Variants in NAV2 observed in about 807,000 individuals in gnomAD.
NAV2 encodes the protein helicase, APC down-regulated 1.
In NAV2, 54 loss-of-function variants were observed where a neutral mutation model predicts 223.2. The observed-to-expected ratio is 0.24, with a 90% CI of 0.19 to 0.30. The LOEUF is 0.30. Ranked by LOEUF, NAV2 falls within the 10% of genes least tolerant of loss-of-function variation. The probability of loss-of-function intolerance (pLI) is 1.00; values close to 1 mark genes in which losing one functional copy is unlikely to be tolerated. For missense variants in NAV2, 2,806 were observed against 3,147.5 expected (o/e 0.89, Z 2.60); for synonymous variants, 1,279 against 1,239.3 (o/e 1.03, Z -0.67).
At chr11:20,099,747 A>T (rs2061501496) in intron 31 of NAV2, among the ~76,000 whole-genome samples, 1 of 152,158 alleles carries the variant, frequency 6.6e-6, no homozygotes, top group South Asian at 2.1e-4. Flanking sequence ...CTTGTGCAAA[A>T]TAGTCACTTC....
intron 3 of NAV2, among the ~76,000 whole-genome samples, chr11:19,860,230 C>T (rs1258887349): frequency 2.0e-5 from 3 of 147,176 alleles, no homozygotes; most frequent in Non-Finnish European, 3.0e-5. Context: ...CCTCACTTCC[C>T]AGACGGGGTG....
intron 1 of NAV2, among the ~76,000 whole-genome samples, chr11:19,603,911 A>C (rs2046413722): frequency 6.6e-6 from 1 of 152,136 alleles, no homozygotes; most frequent in Admixed American, 6.5e-5. Flanking sequence ...GGAGGGAGCT[A>C]TAAGGGTTCT....
At chr11:19,626,951 C>T (rs1053677699) in intron 1 of NAV2, among the ~76,000 whole-genome samples, 5 of 152,022 alleles carry the variant, frequency 3.3e-5, no homozygotes, top group African/African-American at 9.7e-5. Flanking sequence ...TAGCTGAGAC[C>T]GTAATTAGAA....
At chr11:19,558,906 T>G (rs1250201461) in intron 1 of NAV2, among the ~76,000 whole-genome samples, 2 of 152,174 alleles carry the variant, frequency 1.3e-5, no homozygotes, top group East Asian at 3.9e-4. Flanking sequence ...TGCTGTCAAG[T>G]GTGTTTGCCC....
intron 1 of NAV2, among the ~76,000 whole-genome samples, chr11:19,588,463 G>A (rs1224431085): frequency 6.6e-6 from 1 of 152,106 alleles, no homozygotes; most frequent in African/African-American, 2.4e-5. Context: ...GAATTCTGAC[G>A]GCAAGCATGC....
At chr11:19,412,629 G>C (rs1040388491) in intron 1 of NAV2, among the ~76,000 whole-genome samples, 1 of 152,208 alleles carries the variant, frequency 6.6e-6, no homozygotes, top group Non-Finnish European at 1.5e-5. Context: ...TCCTGACTGG[G>C]AGACACCTCC....
At chr11:19,925,885 A>G (rs1407803533) in intron 6 of NAV2, among the ~76,000 whole-genome samples, 2 of 152,160 alleles carry the variant, frequency 1.3e-5, no homozygotes, top group South Asian at 4.1e-4. Flanking sequence ...TTGTTTGACC[A>G]TATGTGCAAA....
chr11:19,760,660 C>T (rs755767879), intron 1 of NAV2, among the ~76,000 whole-genome samples: 7 of 152,052 alleles, frequency 4.6e-5, no homozygotes, highest in Non-Finnish European at 8.8e-5. Context: ...TCAAAATAAA[C>T]TTTAGAGGAG....
intron 29 of NAV2, among the ~76,000 whole-genome samples, chr11:20,093,826 G>A (rs2061027175): frequency 6.6e-6 from 1 of 152,182 alleles, no homozygotes; most frequent in African/African-American, 2.4e-5. Flanking sequence ...GGGGGCTAGA[G>A]CTGATATTGA....
In NAV2 at chr11:20,101,046, T is replaced by C. The variant is rs1686654802; in HGVS notation, c.6291T>C (p.Ser2097=). ...LLIEHRRIIL[S]GPSGTGKTYL... is the part of the protein sequence containing the mutation. ...TAGAGCACCGTCGGATCATTCTCTCTGGCCCCAGCGGCACTGGGAAAACCT... is the reference window on the plus strand; with the variant it reads ...TAGAGCACCGTCGGATCATTCTCTCCGGCCCCAGCGGCACTGGGAAAACCT... The change falls in exon 32 of 38, where the codon TCT becomes TCC. Residue 2097 remains serine (S), a synonymous_variant. Transcript: ENST00000349880. The C allele has an allele frequency of 6.2e-7, 1 of 1,614,134 alleles. No homozygotes were observed. Among genetic ancestry groups the C allele is most frequent in the East Asian group, 2.2e-5 (1 of 44,878 alleles).
rs145108298 is a variant in NAV2, at chr11:19,993,598, A to G, written c.2768+9351A>G. ...TCCCCCCTCCCCCCGTTATTTAACC[A>G]ACGCCTTATCATGCAGTTCATCACG... On this transcript the variant is annotated intron_variant, in intron 11 of 37. Transcript: ENST00000349880. Among the ~76,000 whole-genome samples, 393 of 151,610 alleles carry G rather than the reference A, an allele frequency of 2.6e-3. 2 individuals carry two copies. Among genetic ancestry groups the G allele is most frequent in the Admixed American group, 5.7e-3 (87 of 15,246 alleles).
chr11:20,020,314 T>C (rs1366061537), intron 11 of NAV2, among the ~76,000 whole-genome samples: 1 of 152,238 alleles, frequency 6.6e-6, no homozygotes, highest in African/African-American at 2.4e-5. Context: ...ACATCACTGA[T>C]AACATTGTTT....
At chr11:19,478,963 C>T (rs187079065) in intron 1 of NAV2, among the ~76,000 whole-genome samples, 1 of 152,288 alleles carries the variant, frequency 6.6e-6, no homozygotes, top group East Asian at 1.9e-4. Flanking sequence ...TAGCATAGTT[C>T]CTAGCTTCCA....
intron 1 of NAV2, among the ~76,000 whole-genome samples, chr11:19,609,852 C>G (rs1210302379): frequency 6.6e-6 from 1 of 152,184 alleles, no homozygotes; most frequent in African/African-American, 2.4e-5. Context: ...GCTCTAGTGC[C>G]AAGACTGGAC....
intron 1 of NAV2, among the ~76,000 whole-genome samples, chr11:19,376,126 G>C (rs1004406781): frequency 1.3e-5 from 2 of 152,194 alleles, no homozygotes; most frequent in African/African-American, 4.8e-5. Context: ...AGTTTATGGA[G>C]ATGATGTTAA....
chr11:19,416,231 A>T (rs945691290), intron 1 of NAV2, among the ~76,000 whole-genome samples: 5 of 152,224 alleles, frequency 3.3e-5, no homozygotes, highest in African/African-American at 1.2e-4. Context: ...TAAGCTGATA[A>T]GCAACTTCAG....
At chr11:19,776,608 GGTT>G (rs1565295678) in intron 1 of NAV2, among the ~76,000 whole-genome samples, 1 of 106,100 alleles carries the variant, frequency 9.4e-6, no homozygotes, top group African/African-American at 3.3e-5. Flanking sequence ...GTGTGTGTGT[GGTT>G]AGAGTTGTGG....
intron 7 of NAV2, among the ~76,000 whole-genome samples, chr11:19,936,665 G>C (rs1413429947): frequency 6.6e-6 from 1 of 152,212 alleles, no homozygotes; most frequent in Non-Finnish European, 1.5e-5. Context: ...GGTGCCCTCT[G>C]AGGTCTTCGG....
At chr11:19,573,591 G>A (rs2045486775) in intron 1 of NAV2, among the ~76,000 whole-genome samples, 1 of 152,190 alleles carries the variant, frequency 6.6e-6, no homozygotes, top group Non-Finnish European at 1.5e-5. Flanking sequence ...CCTGACATCT[G>A]CCATTTCACT....
Sources: allele counts gnomAD v4.1 joint callset (sites outside exome capture counted in the v4.1 genomes callset), GRCh38; gene constraint gnomAD v4.1.1; transcripts MANE v1.5; gene names NCBI Gene and HGNC (gene_info 2026-07-23, HGNC 2026-07-21).